Variants in COL4A3 observed in about 807,000 individuals in gnomAD.
COL4A3 encodes collagen alpha-3(IV) chain.
Under a neutral mutation model 217.4 loss-of-function variants are expected in COL4A3, and 135 were observed. That is an observed-to-expected ratio of 0.62 (90% CI 0.54 to 0.72). The LOEUF (loss-of-function observed/expected upper bound fraction) is 0.72, where lower values mean the gene tolerates loss of function less well. Ranked by LOEUF, COL4A3 falls within the 30% of genes least tolerant of loss-of-function variation. The probability of loss-of-function intolerance (pLI) is 0.00; values close to 1 mark genes in which losing one functional copy is unlikely to be tolerated. For missense variants in COL4A3, 1,868 were observed against 2,119.9 expected, an observed-to-expected ratio of 0.88 and a Z score of 2.33; for synonymous variants, 690 against 736.3, an observed-to-expected ratio of 0.94 and a Z score of 1.02.
At chr2:227,268,871 C>T (rs371264710) in intron 23 of COL4A3, 1 of 152,182 alleles carries the variant, frequency 6.6e-6, no homozygotes. Flanking sequence ...CTCCTTGAGT[C>T]TCCTCTTTGG....
chr2:227,255,728 T>G (rs902703218), intron 15 of COL4A3, among the ~76,000 whole-genome samples: 4 of 152,146 alleles, frequency 2.6e-5, no homozygotes, highest in African/African-American at 9.7e-5. Flanking sequence ...TTTTTTCCCT[T>G]CCAAGTTTAG....
In COL4A3 at chr2:227,246,738, G is replaced by A. The variant is rs373559251; in HGVS notation, c.441G>A (p.Pro147=). Residue 147 remains proline, a splice_region_variant and synonymous_variant, in exon 7 of 52, where the codon CCG becomes CCA. Transcript: ENST00000396578. ...LPGTLGYPGI[P]GAAGLKGQKG... ...GGACACTGGGCTACCCAGGGATCCC[G>A]GTAGGTTTGCATGCCTAATTCCCCA... The A allele has an allele frequency of 4.0e-5, 65 of 1,611,450 alleles. No homozygotes were observed. The highest frequency in any genetic ancestry group is 5.0e-5 in the Admixed American group (3 of 59,954).
chr2:227,303,308 G>C (rs938449459), intron 44 of COL4A3, among the ~76,000 whole-genome samples, 198 bp downstream of exon 44: 1 of 151,960 alleles, frequency 6.6e-6, no homozygotes, highest in Non-Finnish European at 1.5e-5. Flanking sequence ...AATGGCTCTC[G>C]GTAACCTTCT....
At chr2:227,199,764 G>A (rs966145625) in intron 1 of COL4A3, among the ~76,000 whole-genome samples, 8 of 152,176 alleles carry the variant, frequency 5.3e-5, no homozygotes, top group Admixed American at 3.9e-4. Flanking sequence ...CAGGTTGTTG[G>A]GAGAAGGGCA....
At chr2:227,283,556 G>C (rs1347191394) in intron 32 of COL4A3, among the ~76,000 whole-genome samples, 1 of 152,232 alleles carries the variant, frequency 6.6e-6, no homozygotes, top group East Asian at 1.9e-4. Flanking sequence ...CCATGAATAT[G>C]ATTTGCTACC....
intron 1 of COL4A3, among the ~76,000 whole-genome samples, chr2:227,233,306 C>G (rs377398697): frequency 2.6e-5 from 4 of 151,082 alleles, no homozygotes; most frequent in South Asian, 2.1e-4. Flanking sequence ...AGCCACCATG[C>G]CTGGCCCCTA....
intron 1 of COL4A3, among the ~76,000 whole-genome samples, chr2:227,225,146 T>C (rs2068019128): frequency 2.0e-5 from 3 of 152,184 alleles, no homozygotes; most frequent in Admixed American, 2.0e-4. Flanking sequence ...GCTCAAGTAA[T>C]CCTCCCACCT....
intron 38 of COL4A3, chr2:227,293,910 C>T (rs1032101780): frequency 2.1e-5 from 8 of 383,118 alleles, no homozygotes; most frequent in African/African-American, 4.3e-5. Flanking sequence ...ACCCTACTGA[C>T]CTCATTTTAA....
At chr2:227,294,368 A>C in intron 38 of COL4A3, 122 bp from the exon 39 acceptor site, 28 of 793,910 alleles carry the variant, frequency 3.5e-5, no homozygotes, top group Middle Eastern at 2.3e-4. Flanking sequence ...CCTTGCAACA[A>C]GAGAGCTTCC....
chr2:227,301,094 C>T (rs1170318212), intron 43 of COL4A3, among the ~76,000 whole-genome samples: 1 of 151,580 alleles, frequency 6.6e-6, no homozygotes, highest in Non-Finnish European at 1.5e-5. Context: ...CTTGCTGATC[C>T]AAGAAACACT....
At chr2:227,287,366 G>A (rs1296714166) in intron 34 of COL4A3, among the ~76,000 whole-genome samples, 1 of 152,090 alleles carries the variant, frequency 6.6e-6, no homozygotes, top group African/African-American at 2.4e-5. Context: ...GGAAGGCGGA[G>A]GTTGCAGTGA....
chr2:227,244,703 T>C, intron 4 of COL4A3: 1 of 665,818 alleles, frequency 1.5e-6, no homozygotes, highest in East Asian at 2.6e-5. Flanking sequence ...GCATGCAAAT[T>C]GTACCTTAGG....
chr2:227,238,186 A>C (rs1021901332), intron 2 of COL4A3, 162 bp downstream of exon 2: 1 of 527,372 alleles, frequency 1.9e-6, no homozygotes. Context: ...TAAAAAAAAA[A>C]AAAGAAAAAA....
In COL4A3 at chr2:227,298,716, T is replaced by C. The variant is rs768991487; in HGVS notation, c.3786T>C (p.His1262=). Residue 1262 remains histidine, a synonymous_variant, in exon 43 of 52, where the codon CAT becomes CAC. Coordinates refer to ENST00000396578, the MANE Select transcript of COL4A3 (RefSeq NM_000091.5). Reference sequence around the variant, plus strand: ...GTCCCCCTGGACCTCCAGGGAGTCATGTAATAGGCATAAAAGGAGACAAAG... The same window carrying C: ...GTCCCCCTGGACCTCCAGGGAGTCACGTAATAGGCATAAAAGGAGACAAAG... ...APGPPGPPGS[H]VIGIKGDKGS... 6.2e-6 allele frequency: 10 copies of C among 1,613,902 alleles called. No individual in the cohort carries two copies. Among genetic ancestry groups the C allele is most frequent in the South Asian group, 1.1e-5 (1 of 91,080 alleles).
At chr2:227,257,940 C>G (rs995231604) in intron 18 of COL4A3, among the ~76,000 whole-genome samples, 2 of 152,200 alleles carry the variant, frequency 1.3e-5, no homozygotes, top group Admixed American at 6.5e-5. Context: ...GGGTAGAGGA[C>G]AGTGAGACAA....
intron 37 of COL4A3, chr2:227,291,110 A>C: frequency 1.9e-6 from 1 of 528,628 alleles, no homozygotes; most frequent in Non-Finnish European, 3.4e-6. Flanking sequence ...GGAATTTCTC[A>C]CACTGTCTCT....
intron 1 of COL4A3, among the ~76,000 whole-genome samples, chr2:227,218,072 ATATATAGC>A (rs202216245): frequency 0.29 from 23,730 of 82,442 alleles, 2,317 homozygotes; most frequent in Admixed American, 0.36. Flanking sequence ...AAATAACTAT[ATATATAGC>A]TATATATATA....
intron 43 of COL4A3, chr2:227,302,121 C>T (rs1315777315): frequency 7.2e-5 from 11 of 152,228 alleles, no homozygotes; most frequent in Admixed American, 7.2e-4. Context: ...TTGAGCATCT[C>T]CTGGCTATAA....
In COL4A3 at chr2:227,272,935, TC is replaced by T; in HGVS notation, c.1759-12del. On this transcript the variant is annotated splice_polypyrimidine_tract_variant and intron_variant, in intron 25 of 51. Coordinates refer to ENST00000396578, the MANE Select transcript of COL4A3 (RefSeq NM_000091.5). ...GGAATGAAGCACGATTCAAACACAT[TC>T]CTGTTGTCACAGGCTCTGAGTGGTG... The T allele has an allele frequency of 6.2e-7, 1 of 1,613,530 alleles. No homozygotes were observed. Among genetic ancestry groups the T allele is most frequent in the Non-Finnish European group, 8.5e-7 (1 of 1,179,544 alleles).
Sources: allele counts gnomAD v4.1 joint callset (sites outside exome capture counted in the v4.1 genomes callset), GRCh38; gene constraint gnomAD v4.1.1; transcripts MANE v1.5; gene names NCBI Gene and HGNC (gene_info 2026-07-23, HGNC 2026-07-21).